Variants in CLEC7A observed in about 807,000 individuals in gnomAD.
The protein encoded by CLEC7A is C-type lectin domain family 7 member A.
Under a neutral mutation model 26.9 loss-of-function variants are expected in CLEC7A, and 25 were observed. That is an observed-to-expected ratio of 0.93 (90% CI 0.68 to 1.30). The LOEUF is 1.30. Ranked by LOEUF, CLEC7A falls within the 50% of genes most tolerant of loss-of-function variation. The pLI is 0.00. For synonymous variants in CLEC7A, 100 were observed against 99.5 expected, an observed-to-expected ratio of 1.01 and a Z score of -0.03; for missense variants, 275 against 286.7, an observed-to-expected ratio of 0.96 and a Z score of 0.29.
chr12:10,129,194 A>G (rs1948407288), intron 1 of CLEC7A, among the ~76,000 whole-genome samples: 1 of 152,202 alleles, frequency 6.6e-6, no homozygotes, highest in African/African-American at 2.4e-5. Context: ...TCACTGGTAT[A>G]CCAATAATTG....
At chr12:10,126,472 A>G (rs1565407712) in intron 3 of CLEC7A, 99 bp downstream of exon 3, 1 of 1,466,314 alleles carries the variant, frequency 6.8e-7, no homozygotes, top group African/African-American at 1.4e-5. Flanking sequence ...ATTTACAATC[A>G]TTGAATCTAA....
intron 2 of CLEC7A, 184 bp downstream of exon 2, chr12:10,127,563 C>A: frequency 9.3e-7 from 1 of 1,072,004 alleles, no homozygotes; most frequent in South Asian, 1.3e-5. Flanking sequence ...GGTAAAATAA[C>A]CTCTCAGTCT....
intron 2 of CLEC7A, chr12:10,127,527 C>T (rs747966516): frequency 7.7e-7 from 1 of 1,299,372 alleles, no homozygotes; most frequent in Non-Finnish European, 1.1e-6. Flanking sequence ...ATGGTCCCAC[C>T]ACTAACTAGC....
chr12:10,118,529 C>T lies in CLEC7A; in HGVS notation c.673G>A (p.Val225Met), dbSNP rs761669631. The T allele has an allele frequency of 2.7e-5, 43 of 1,612,558 alleles. No individual in the cohort carries two copies. Among genetic ancestry groups the T allele is most frequent in the Middle Eastern group, 3.3e-4 (2 of 6,082 alleles). ...NPSPNCVWIH[V>M]SVIYDQLCSV... is the part of the protein sequence containing the mutation. ...CACAGTTGGTCATAAATGACTGACA[C>T]GTGAATCCATACACAATTTGGAGAT... Residue 225 changes from valine (V) to methionine (M), a missense_variant, in exon 6 of 6, where the codon GTG becomes ATG. Val to Met is a conservative substitution (Grantham distance 21). Transcript: ENST00000304084.
intron 1 of CLEC7A, 114 bp downstream of exon 1, chr12:10,129,866 C>T: frequency 1.7e-6 from 1 of 579,768 alleles, no homozygotes; most frequent in Non-Finnish European, 3.1e-6. Flanking sequence ...AATCCACCCG[C>T]CTCGGCCTCC....
At position 10,127,870 on chromosome 12, in the gene CLEC7A, T is replaced by C. The variant is rs190268659; in HGVS notation, c.104-25A>G. On this transcript the variant is annotated intron_variant, in intron 1 of 5. Transcript: ENST00000304084. ...CCTGAGGAGCCAGAGGGGGCAGAAA[T>C]GGAATAAAGAAAGAGAATGACGGAT... 6.3e-5 allele frequency: 91 copies of C among 1,442,222 alleles called. No individual in the cohort carries two copies. In the African/African-American group the frequency reaches 1.3e-3, roughly 20 times the overall value. 89.3% of individuals were successfully genotyped at this position (1,442,222 alleles called of 1,614,324 possible).
At chr12:10,123,402 G>GAGAA (rs1555161152) in intron 4 of CLEC7A, 39 bp from the exon 5 acceptor site, 11 of 1,111,418 alleles carry the variant, frequency 9.9e-6, no homozygotes, top group African/African-American at 3.1e-5. Flanking sequence ...TAAAGAGAGA[G>GAGAA]AGAGAGAGAG....
intron 4 of CLEC7A, among the ~76,000 whole-genome samples, chr12:10,123,984 C>T (rs1230923299): frequency 2.0e-5 from 3 of 152,182 alleles, no homozygotes; most frequent in Non-Finnish European, 4.4e-5. Flanking sequence ...AGGCAGTTTT[C>T]ATGGATGATT....
intron 5 of CLEC7A, among the ~76,000 whole-genome samples, chr12:10,118,916 GTTTC>G (rs1010572962): frequency 2.6e-5 from 4 of 152,032 alleles, no homozygotes; most frequent in Admixed American, 2.0e-4. Context: ...TTACTTAAAT[GTTTC>G]TTTATCAAAT....
intron 3 of CLEC7A, chr12:10,126,085 G>C (rs773440594): frequency 1.5e-6 from 1 of 650,064 alleles, no homozygotes; most frequent in Non-Finnish European, 1.9e-6. Context: ...GAGTTTTCAG[G>C]GACATGTGTA....
chr12:10,127,007 C>T lies in CLEC7A; in HGVS notation c.203-299G>A, dbSNP rs1278801828. On this transcript the variant is annotated intron_variant, in intron 2 of 5. Transcript: ENST00000304084. ...GCAAATGTCATAGAGTCAATTGGAC[C>T]CATGACAGATTTGAAATAGCAACAT... The T allele has an allele frequency of 2.9e-6, 4 of 1,388,140 alleles. No homozygotes were observed. In the Admixed American group the frequency reaches 9.4e-5, roughly 33 times the overall value. The allele number at this position is 1,388,140 out of a possible 1,614,324, so 86.0% of individuals were successfully genotyped here. A position where few individuals can be genotyped will look rare whatever the true frequency, so the allele number is the denominator to read the frequency against.
intron 3 of CLEC7A, 183 bp downstream of exon 3, chr12:10,126,388 A>C: frequency 2.0e-6 from 2 of 980,064 alleles, no homozygotes; most frequent in Non-Finnish European, 1.2e-6. Context: ...TAGGGTACTT[A>C]TAATTTCACC....
Position 10,125,370 on chromosome 12 carries a change from G to GCTTTT in CLEC7A, c.418_419insAAAAG (p.Ser140Ter). The GCTTTT allele has an allele frequency of 1.9e-6, 3 of 1,613,324 alleles. No homozygotes were observed. The highest frequency in any genetic ancestry group is 2.5e-6 in the Non-Finnish European group (3 of 1,179,684). On this transcript the variant is annotated stop_gained and frameshift_variant, in exon 4 of 6. Coordinates refer to ENST00000304084, the MANE Select transcript of CLEC7A (RefSeq NM_197947.3). LOFTEE classifies it high-confidence loss of function. ...GCATTGTCTTTTACTTCCATCCCAG[G>GCTTTT]AATTTAGTGACATGCTGAATAGATA...
chr12:10,126,972 G>A, intron 2 of CLEC7A: 4 of 1,109,536 alleles, frequency 3.6e-6, no homozygotes, highest in South Asian at 3.5e-5. Flanking sequence ...AATGAGGGAG[G>A]CAGCAAGAGG....
intron 4 of CLEC7A, chr12:10,124,628 T>C (rs1948212730): frequency 6.6e-6 from 1 of 152,116 alleles, no homozygotes; most frequent in African/African-American, 2.4e-5. Context: ...GAGTAAATAA[T>C]TTCTAAACAT....
chr12:10,126,491 C>T, intron 3 of CLEC7A, 80 bp downstream of exon 3: 1 of 1,483,062 alleles, frequency 6.7e-7, no homozygotes, highest in African/African-American at 1.4e-5. Flanking sequence ...AAGTGTTTTT[C>T]TTTACACCCC....
chr12:10,122,922 T>C (rs1287966086), intron 5 of CLEC7A, among the ~76,000 whole-genome samples: 1 of 152,130 alleles, frequency 6.6e-6, no homozygotes, highest in Admixed American at 6.6e-5. Flanking sequence ...AAACCCATGC[T>C]CTTAACCGGG....
intron 3 of CLEC7A, chr12:10,126,244 G>T (rs1386724469): frequency 1.0e-6 from 1 of 978,958 alleles, no homozygotes; most frequent in African/African-American, 1.8e-5. Flanking sequence ...ATTCTGTAAG[G>T]GGAGAGAACA....
Position 10,119,558 on chromosome 12 carries a change from A to G in CLEC7A, c.612-968T>C, listed in dbSNP as rs1948013293. On this transcript the variant is annotated intron_variant, in intron 5 of 5. Coordinates refer to ENST00000304084, the MANE Select transcript of CLEC7A (RefSeq NM_197947.3). ...CTAGTCATACATTTAAAATAGCAAG[A>G]GAAAACTCAAGACAAACAAGTACTA... Among the ~76,000 whole-genome samples, 5 of 152,230 alleles carry G rather than the reference A, an allele frequency of 3.3e-5. No homozygotes were observed. In the South Asian group the frequency reaches 1.0e-3, roughly 31 times the overall value.
Sources: allele counts gnomAD v4.1 joint callset (sites outside exome capture counted in the v4.1 genomes callset), GRCh38; gene constraint gnomAD v4.1.1; transcripts MANE v1.5; gene names NCBI Gene and HGNC (gene_info 2026-07-23, HGNC 2026-07-21).